The following CD207 variants were observed in gnomAD, a reference collection of about 807,000 sequenced individuals.
CD207 encodes the protein C-type lectin domain family 4 member K.
Under a neutral mutation model 31.6 loss-of-function variants are expected in CD207, and 28 were observed. The observed-to-expected ratio is 0.89, with a 90% CI of 0.66 to 1.21. The LOEUF (loss-of-function observed/expected upper bound fraction) is 1.21. Ranked by LOEUF, CD207 falls within the 50% of genes most tolerant of loss-of-function variation. The probability of loss-of-function intolerance (pLI) is 0.00; values close to 1 mark genes in which losing one functional copy is unlikely to be tolerated. For missense variants in CD207, 388 were observed against 397.8 expected (o/e 0.98, Z 0.21); for synonymous variants, 168 against 153.9 (o/e 1.09, Z -0.68).
At chr2:70,827,311 A>C (rs1210170003), downstream of CD207, among the ~76,000 whole-genome samples, 5 of 152,106 alleles carry the variant, frequency 3.3e-5, no homozygotes, top group Admixed American at 1.3e-4. Flanking sequence ...TTTCTCCCCC[A>C]AAAACAGAGA....
Position 70,831,213 on chromosome 2 carries a change from G to A in CD207, c.837-13C>T, listed in dbSNP as rs1370757728. 2 of 1,589,744 alleles carry A rather than the reference G, an allele frequency of 1.3e-6. No homozygotes were observed. The highest frequency in any genetic ancestry group is 1.2e-5 in the South Asian group (1 of 86,576). ...TGGAATCCAGAACCTACCAAGAGCG[G>A]GGAAAAAGATGGATTTACAAAGTGG... On this transcript the variant is annotated splice_polypyrimidine_tract_variant and intron_variant, in intron 5 of 5. Transcript: ENST00000410009.
rs1484480925 is a variant in CD207, at chr2:70,830,880, T to C, written c.*170A>G. On this transcript the variant is annotated 3_prime_UTR_variant, in exon 6 of 6. Transcript: ENST00000410009. Reference sequence around the variant, plus strand: ...TTCCATTCCAGCTGCCTCCAAGACGTCAGAGAATTTCCAGCCAAGACAGAC... The same window carrying C: ...TTCCATTCCAGCTGCCTCCAAGACGCCAGAGAATTTCCAGCCAAGACAGAC... The C allele has an allele frequency of 1.7e-6, 1 of 593,904 alleles. No individual in the cohort carries two copies. The highest frequency in any genetic ancestry group is 2.9e-6 in the Non-Finnish European group (1 of 345,818). The allele number at this position is 593,904 out of a possible 1,614,324, so 36.8% of individuals were successfully genotyped here. A position where few individuals can be genotyped will look rare whatever the true frequency, so the allele number is the denominator to read the frequency against.
At chr2:70,826,064 G>A (rs553925092), downstream of CD207, among the ~76,000 whole-genome samples, 17 of 152,140 alleles carry the variant, frequency 1.1e-4, no homozygotes, top group South Asian at 2.3e-3. Flanking sequence ...AGGAGGATTG[G>A]TTAAACCCAG....
chr2:70,835,501 C>T lies in CD207; in HGVS notation c.180G>A (p.Gln60=). The change falls in exon 2 of 6, where the codon CAG becomes CAA. Residue 60 remains glutamine, a synonymous_variant. Transcript: ENST00000410009. ...AACATGAGGACTTACAAAGGACGGC[C>T]TGCAGCAGGACGGAGGCGACCAGGA... ...TLVLVASVLL[Q]AVLYPRFMGT... The T allele has an allele frequency of 6.2e-7, 1 of 1,612,734 alleles. No homozygotes were observed. The highest frequency in any genetic ancestry group is 1.7e-4 in the Middle Eastern group (1 of 5,748).
chr2:70,833,992 A>C lies in CD207; in HGVS notation c.219T>G (p.Asp73Glu), dbSNP rs1558629691. 1 of 1,522,524 alleles carries C rather than the reference A, an allele frequency of 6.6e-7. No individual in the cohort carries two copies. The highest frequency in any genetic ancestry group is 1.4e-5 in the African/African-American group (1 of 72,170). The allele number at this position is 1,522,524 out of a possible 1,614,324, so 94.3% of individuals were successfully genotyped here. A position where few individuals can be genotyped will look rare whatever the true frequency, so the allele number is the denominator to read the frequency against. Residue 73 changes from aspartate to glutamate, a missense_variant, in exon 3 of 6, where the codon GAT (aspartate) becomes GAG (glutamate). Physicochemically the swap from Asp to Glu is conservative, Grantham distance 45. Coordinates refer to ENST00000410009, the MANE Select transcript of CD207 (RefSeq NM_015717.5). Reference sequence around the variant, plus strand: ...TCAGCAACTGGACATTGGTCTTTACATCTGATATGGTGCCCATAAACCGGG... The same window carrying C: ...TCAGCAACTGGACATTGGTCTTTACCTCTGATATGGTGCCCATAAACCGGG... ...LYPRFMGTIS[D>E]VKTNVQLLKG...
In CD207 at chr2:70,833,743, C is replaced by T. The variant is rs373879595; in HGVS notation, c.468G>A (p.Glu156=). ...EVSTLNAQIP[E]LKSDLEKASA... ...TGGCTTTCTCCAAATCACTTTTTAA[C>T]TCTGGGATTTGGGCATTTAAGGTAC... Residue 156 remains glutamate (E), a synonymous_variant, in exon 3 of 6, where the codon GAG becomes GAA. Transcript: ENST00000410009. The T allele has an allele frequency of 8.9e-5, 144 of 1,614,022 alleles. No individual in the cohort carries two copies. In the African/African-American group the frequency reaches 1.6e-3, roughly 17 times the overall value.
chr2:70,835,108 G>A (rs1353105380), intron 2 of CD207, among the ~76,000 whole-genome samples: 5 of 152,176 alleles, frequency 3.3e-5, no homozygotes, highest in Admixed American at 6.5e-5. Flanking sequence ...CACAGGGTCA[G>A]GAGACATTGC....
intron 2 of CD207, among the ~76,000 whole-genome samples, chr2:70,834,791 GA>G (rs201909753): frequency 1.1e-3 from 163 of 151,426 alleles, no homozygotes; most frequent in South Asian, 3.8e-3. Context: ...CACAGAGGGA[GA>G]AAAAAAAACC....
chr2:70,827,337 G>GA (rs144933607), downstream of CD207, among the ~76,000 whole-genome samples: 2,699 of 148,614 alleles, frequency 0.018, 70 homozygotes, highest in African/African-American at 0.063. Context: ...TCTGAGACCT[G>GA]AAAAAAAAAA....
At chr2:70,831,361 C>T (rs1021251889) in intron 5 of CD207, among the ~76,000 whole-genome samples, 161 bp from the exon 6 acceptor site, 3 of 152,150 alleles carry the variant, frequency 2.0e-5, no homozygotes, top group African/African-American at 7.2e-5. Context: ...GGTGAGACTT[C>T]GACCTCTAAG....
At chr2:70,824,911 C>T in the CD207 span, among the ~76,000 whole-genome samples, 5 of 152,140 alleles carry the variant, frequency 3.3e-5, no homozygotes, top group Admixed American at 2.0e-4. Context: ...GTGTAACTTC[C>T]TACTCTTTCA....
In CD207 at chr2:70,833,660, A is replaced by G; in HGVS notation, c.551T>C (p.Leu184Ser). 1 of 1,610,702 alleles carries G rather than the reference A, an allele frequency of 6.2e-7. No individual in the cohort carries two copies. Among genetic ancestry groups the G allele is most frequent in the South Asian group, 1.1e-5 (1 of 90,682 alleles). The change falls in exon 3 of 6, where the codon TTG (leucine) becomes TCG (serine). Residue 184 changes from leucine to serine, a missense_variant. Transcript: ENST00000410009. ...LQGSLENMSK[L>S]LKRQNDILQV... ...GAGTCACTTACTTTGTCGTTTGAGC[A>G]ACTTGCTCATATTCTCCAAGCTGCC...
chr2:70,824,621 C>CAAAA, the CD207 span, among the ~76,000 whole-genome samples: 2,104 of 38,046 alleles, frequency 0.055, 301 homozygotes, highest in Middle Eastern at 0.17. Flanking sequence ...TGCTTAGTTA[C>CAAAA]CAAAAAAAAA....
chr2:70,835,590 C>T lies in CD207; in HGVS notation c.91G>A (p.Gly31Ser), dbSNP rs372245977. The change falls in exon 2 of 6, where the codon GGT becomes AGT. Residue 31 changes from glycine (G) to serine (S), a missense_variant. By Grantham distance (56) the Gly-to-Ser change is moderately conservative. Transcript: ENST00000410009. ...GTTTTCCCCGGGACCAGAGATGGAC[C>T]GGACTTGGGAGGAGGCTCTGTTGGA... ...LWPREPPPKSGPSLVPGKTPT... is the reference protein window; with the variant it reads ...LWPREPPPKSSPSLVPGKTPT... 60 of 1,613,908 alleles carry T rather than the reference C, an allele frequency of 3.7e-5. No homozygotes were observed. The highest frequency in any genetic ancestry group is 5.0e-5 in the Admixed American group (3 of 60,022).
At chr2:70,833,365 T>C (rs1274534420) in intron 3 of CD207, among the ~76,000 whole-genome samples, 3 of 152,188 alleles carry the variant, frequency 2.0e-5, no homozygotes, top group African/African-American at 7.2e-5. Flanking sequence ...AGGAACTTGA[T>C]GGGAAATGAC....
downstream of CD207, among the ~76,000 whole-genome samples, chr2:70,828,761 A>G (rs10167562): frequency 0.9 from 136,675 of 152,200 alleles, 62,024 homozygotes; most frequent in Non-Finnish European, 0.97. Context: ...TGCCTCCCAG[A>G]TTCAAGCAAT....
downstream of CD207, among the ~76,000 whole-genome samples, chr2:70,827,771 T>G (rs1553399071): frequency 7.4e-6 from 1 of 134,880 alleles, no homozygotes; most frequent in Non-Finnish European, 1.6e-5. Context: ...CGAGAGAGAA[T>G]GACAAAGAGA....
chr2:70,826,303 G>A (rs1343981429), downstream of CD207, among the ~76,000 whole-genome samples: 2 of 152,054 alleles, frequency 1.3e-5, no homozygotes, highest in Non-Finnish European at 2.9e-5. Context: ...ACAAATCAAA[G>A]GTCTCACATG....
Position 70,833,526 on chromosome 2 carries a change from CTGCCCCTCTTT to C in CD207, c.565+109_565+119del, listed in dbSNP as rs370456408. ...CTCTCCTTAACTTCCTAGCCCATGG[CTGCCCCTCTTT>C]TGCCCCCACTCTCCTCCCCAACCCA... is the stretch of plus-strand genomic sequence containing the variant. On this transcript the variant is annotated intron_variant, in intron 3 of 5. Transcript: ENST00000410009. 2.4e-4 allele frequency: 284 copies of C among 1,168,716 alleles called. 1 individual carries two copies. In the African/African-American group the frequency reaches 3.9e-3, roughly 16 times the overall value. The allele number at this position is 1,168,716 out of a possible 1,614,324, so 72.4% of individuals were successfully genotyped here. A position where few individuals can be genotyped will look rare whatever the true frequency, so the allele number is the denominator to read the frequency against.
Sources: allele counts gnomAD v4.1 joint callset (sites outside exome capture counted in the v4.1 genomes callset), GRCh38; gene constraint gnomAD v4.1.1; transcripts MANE v1.5; gene names NCBI Gene and HGNC (gene_info 2026-07-23, HGNC 2026-07-21).